The following USP16 variants were observed in gnomAD, a reference collection of about 807,000 sequenced individuals.
USP16 encodes the protein ubiquitin specific peptidase 16.
A neutral mutation model predicts 95.9 loss-of-function variants in USP16; 77 were observed. The observed-to-expected ratio is 0.80, with a 90% CI of 0.67 to 0.97. The LOEUF (loss-of-function observed/expected upper bound fraction) is 0.97, where lower values mean the gene tolerates loss of function less well. USP16 is among the 50% of genes least tolerant of loss of function. The pLI is 0.00. For missense variants in USP16, 943 were observed against 959.9 expected (o/e 0.98, Z 0.23); for synonymous variants, 303 against 318.2 (o/e 0.95, Z 0.51).
chr21:29,051,584 A>G (rs2085414712), intron 16 of USP16, among the ~76,000 whole-genome samples: 1 of 152,226 alleles, frequency 6.6e-6, no homozygotes, highest in Non-Finnish European at 1.5e-5. Flanking sequence ...TAATGCCAAC[A>G]CTTTGGGAGG....
chr21:29,047,389 G>A (rs2085343555), intron 14 of USP16, 68 bp downstream of exon 14: 2 of 1,468,398 alleles, frequency 1.4e-6, no homozygotes, highest in Non-Finnish European at 9.2e-7. Context: ...CATAGGTAGA[G>A]TACTCCTAAT....
chr21:29,050,242 C>T, intron 16 of USP16, 64 bp downstream of exon 16: 2 of 1,404,932 alleles, frequency 1.4e-6, no homozygotes, highest in Non-Finnish European at 2.0e-6. Flanking sequence ...ACCTAATGCT[C>T]CAGTAGCAAC....
Position 29,034,899 on chromosome 21 carries a change from A to G in USP16, c.303A>G (p.Glu101=), listed in dbSNP as rs1322916852. Residue 101 remains glutamate, a synonymous_variant, in exon 4 of 18, where the codon GAA becomes GAG. Coordinates refer to ENST00000399976, the MANE Select transcript of USP16 (RefSeq NM_006447.3). Reference sequence around the variant, plus strand: ...AGCACTATCTGACGCCAAGATCTGAACCTCACTGTCTGGTTCTTAGTTTGG... The same window carrying G: ...AGCACTATCTGACGCCAAGATCTGAGCCTCACTGTCTGGTTCTTAGTTTGG... ...ALKHYLTPRS[E]PHCLVLSLDN... The G allele has an allele frequency of 6.2e-7, 1 of 1,614,064 alleles. No individual in the cohort carries two copies. Among genetic ancestry groups the G allele is most frequent in the Admixed American group, 1.7e-5 (1 of 60,018 alleles).
intron 6 of USP16, among the ~76,000 whole-genome samples, chr21:29,037,783 G>A (rs1158898889): frequency 5.9e-5 from 9 of 151,856 alleles, no homozygotes; most frequent in South Asian, 2.1e-4. Flanking sequence ...ACAGGGTTTC[G>A]CCATGTTGCC....
Position 29,048,782 on chromosome 21 carries a change from C to T in USP16, c.2033C>T (p.Thr678Ile), listed in dbSNP as rs2085369343. The T allele has an allele frequency of 6.2e-7, 1 of 1,613,548 alleles. No individual in the cohort carries two copies. Among genetic ancestry groups the T allele is most frequent in the South Asian group, 1.1e-5 (1 of 91,058 alleles). Residue 678 changes from threonine (T) to isoleucine (I), a missense_variant, in exon 15 of 18, where the codon ACC (threonine) becomes ATC (isoleucine). Coordinates refer to ENST00000399976, the MANE Select transcript of USP16 (RefSeq NM_006447.3). ...NIKGERKHVYTNAKKQMLISL... is the reference protein window; with the variant it reads ...NIKGERKHVYINAKKQMLISL... Reference sequence around the variant, plus strand: ...TTAGGTGAAAGGAAGCATGTTTACACCAATGCCAAAAAGCAGATGCTAATT... The same window carrying T: ...TTAGGTGAAAGGAAGCATGTTTACATCAATGCCAAAAAGCAGATGCTAATT...
At chr21:29,043,967 G>T (rs931867002) in intron 13 of USP16, among the ~76,000 whole-genome samples, 2 of 151,516 alleles carry the variant, frequency 1.3e-5, no homozygotes, top group African/African-American at 4.9e-5. Flanking sequence ...GAGTCTTGCT[G>T]TGTCGCCCAG....
chr21:29,029,047 C>G (rs1220893985), intron 2 of USP16, among the ~76,000 whole-genome samples: 1 of 152,218 alleles, frequency 6.6e-6, no homozygotes, highest in Non-Finnish European at 1.5e-5. Context: ...AGTAAAGTGC[C>G]CATTTCCCTG....
chr21:29,043,563 GA>G lies in USP16; in HGVS notation c.1326del (p.Ala443GlnfsTer25). 6.4e-7 allele frequency: 1 copy of G among 1,567,402 alleles called. No individual in the cohort carries two copies. The highest frequency in any genetic ancestry group is 8.6e-7 in the Non-Finnish European group (1 of 1,163,592). On this transcript the variant is annotated frameshift_variant, in exon 13 of 18. Coordinates refer to ENST00000399976, the MANE Select transcript of USP16 (RefSeq NM_006447.3). LOFTEE classifies it high-confidence loss of function. Reference sequence around the variant, plus strand: ...CTTCTGGAACAAGTAAGCACTTACAGAAAAAAGCAAAGAAACAAGCCAAAAA... The same window carrying G: ...CTTCTGGAACAAGTAAGCACTTACAGAAAAAGCAAAGAAACAAGCCAAAAA... Reference protein sequence around the residue: ...IPSGTSKHLQKKAKKQAKKQA... With the variant: ...IPSGTSKHLQXKAKKQAKKQA...
chr21:29,030,294 G>C (rs1446300983), intron 2 of USP16, among the ~76,000 whole-genome samples: 1 of 152,040 alleles, frequency 6.6e-6, no homozygotes, highest in East Asian at 1.9e-4. Flanking sequence ...TCATAAGTAT[G>C]ATAAAGGGCC....
At position 29,038,232 on chromosome 21, in the gene USP16, G is replaced by A. The variant is rs2085191178; in HGVS notation, c.637-103G>A. 4.2e-6 allele frequency: 3 copies of A among 717,674 alleles called. No homozygotes were observed. The East Asian group carries it at 8.0e-5, about 19-fold the overall frequency. 44.5% of individuals were successfully genotyped at this position (717,674 alleles called of 1,614,324 possible). A position where few individuals can be genotyped will look rare whatever the true frequency, so the allele number is the denominator to read the frequency against. On this transcript the variant is annotated intron_variant, in intron 6 of 17. Transcript: ENST00000399976. ...ATTTTCCAAGTATAGAGTTTTCAGT[G>A]TTGGTCATGATTTTCTGTTTTGATA... is the stretch of plus-strand genomic sequence containing the variant.
At chr21:29,036,452 T>A in intron 5 of USP16, 78 bp downstream of exon 5, 2 of 1,286,274 alleles carry the variant, frequency 1.6e-6, no homozygotes, top group Non-Finnish European at 2.2e-6. Flanking sequence ...TTATACTACC[T>A]AGCATTACAT....
At chr21:29,043,664 C>G in intron 13 of USP16, 65 bp downstream of exon 13, 1 of 1,376,988 alleles carries the variant, frequency 7.3e-7, no homozygotes, top group Non-Finnish European at 9.5e-7. Context: ...AGTTTGTAGT[C>G]TGAATGACAT....
At chr21:29,046,315 AT>A (rs935798574) in intron 13 of USP16, among the ~76,000 whole-genome samples, 11 of 150,238 alleles carry the variant, frequency 7.3e-5, no homozygotes, top group East Asian at 2.0e-4. Flanking sequence ...TTTTATTTTT[AT>A]TTTTTTTTAG....
intron 16 of USP16, among the ~76,000 whole-genome samples, chr21:29,051,339 A>G (rs1226013394): frequency 6.6e-6 from 1 of 152,240 alleles, no homozygotes; most frequent in Admixed American, 6.5e-5. Flanking sequence ...CAGAGAGGTT[A>G]GGATGGGCCC....
At chr21:29,045,192 C>T (rs2085304747) in intron 13 of USP16, among the ~76,000 whole-genome samples, 1 of 152,106 alleles carries the variant, frequency 6.6e-6, no homozygotes, top group Non-Finnish European at 1.5e-5. Flanking sequence ...ATGTGTTCCT[C>T]TGTTTTTACG....
Position 29,054,075 on chromosome 21 carries a change from T to A in USP16, c.2360T>A (p.Met787Lys), listed in dbSNP as rs759240751. ...LHGDIPQDFE[M>K]ESKGQWFHIS... ...CATTTTCTCATGACAGATTTTGAAA[T>A]GGAATCAAAAGGGCAGTGGTTTCAC... Residue 787 changes from methionine to lysine, a missense_variant, in exon 18 of 18, where the codon ATG (methionine) becomes AAG (lysine). Transcript: ENST00000399976. 2 of 1,614,190 alleles carry A rather than the reference T, an allele frequency of 1.2e-6. No individual in the cohort carries two copies. The highest frequency in any genetic ancestry group is 1.7e-6 in the Non-Finnish European group (2 of 1,180,018).
chr21:29,048,798 G>GA lies in USP16; in HGVS notation c.2050dup (p.Met684AsnfsTer23). On this transcript the variant is annotated frameshift_variant, in exon 15 of 18. Coordinates refer to ENST00000399976, the MANE Select transcript of USP16 (RefSeq NM_006447.3). LOFTEE classifies it high-confidence loss of function. ...ATGTTTACACCAATGCCAAAAAGCA[G>GA]ATGCTAATTTCTCTTGCTCCTCCTG... 1 of 1,613,818 alleles carries GA rather than the reference G, an allele frequency of 6.2e-7. No homozygotes were observed. Among genetic ancestry groups the GA allele is most frequent in the Non-Finnish European group, 8.5e-7 (1 of 1,179,932 alleles).
chr21:29,039,183 C>T (rs781022607), intron 8 of USP16, 27 bp downstream of exon 8: 4 of 1,439,104 alleles, frequency 2.8e-6, no homozygotes, highest in Non-Finnish European at 2.7e-6. Flanking sequence ...ATTGTGCTTT[C>T]AGTGCCTCAG....
chr21:29,025,456 T>A (rs1174721472), intron 1 of USP16, among the ~76,000 whole-genome samples: 1 of 152,254 alleles, frequency 6.6e-6, no homozygotes, highest in Admixed American at 6.5e-5. Context: ...TGATGTTTTA[T>A]AGCTGATGGA....
Sources: gnomAD v4.1 joint callset for allele counts (sites outside exome capture counted in the v4.1 genomes callset) on GRCh38, gnomAD v4.1.1 for gene constraint, MANE v1.5 for transcripts, NCBI Gene and HGNC (gene_info 2026-07-23, HGNC 2026-07-21) for gene names.